The following ERAP1 variants were observed in gnomAD, a reference collection of about 807,000 sequenced individuals.
The protein encoded by ERAP1 is endoplasmic reticulum aminopeptidase 1.
Under a neutral mutation model 103.7 loss-of-function variants are expected in ERAP1, and 86 were observed. That is an observed-to-expected ratio of 0.83 (90% CI 0.70 to 0.99). The LOEUF is 0.99. Ranked by LOEUF, ERAP1 falls within the 50% of genes least tolerant of loss-of-function variation. The pLI is 0.00. For synonymous variants in ERAP1, 398 were observed against 402.4 expected (o/e 0.99, Z 0.13); for missense variants, 1,009 against 1,128.4 (o/e 0.89, Z 1.52).
chr5:96,896,438 T>C, the ERAP1 span: 1 of 1,613,004 alleles, frequency 6.2e-7, no homozygotes, highest in East Asian at 2.2e-5. Flanking sequence ...CATCCCGCCC[T>C]ATCTCCAAAC....
chr5:96,870,710 T>C, the ERAP1 span, among the ~76,000 whole-genome samples: 1 of 152,220 alleles, frequency 6.6e-6, no homozygotes, highest in Non-Finnish European at 1.5e-5. Context: ...CTTTTATTAC[T>C]ATGCTATTGA....
the ERAP1 span, among the ~76,000 whole-genome samples, chr5:96,922,305 C>T: frequency 6.6e-6 from 1 of 151,984 alleles, no homozygotes; most frequent in Non-Finnish European, 1.5e-5. Context: ...CTCAAAAAAA[C>T]AAAACAAAAA....
At chr5:96,815,407 G>GTTTTTTT in the ERAP1 span, among the ~76,000 whole-genome samples, 58 of 105,430 alleles carry the variant, frequency 5.5e-4, no homozygotes, top group African/African-American at 7.4e-4. Flanking sequence ...TGTTTGTTTT[G>GTTTTTTT]TTTTTTATTT....
the ERAP1 span, among the ~76,000 whole-genome samples, chr5:96,819,486 G>T: frequency 6.6e-6 from 1 of 152,100 alleles, no homozygotes; most frequent in Admixed American, 6.5e-5. Flanking sequence ...GCTCCAGAGG[G>T]GTGTGTGTGT....
chr5:96,832,979 C>T, the ERAP1 span, among the ~76,000 whole-genome samples: 7 of 152,212 alleles, frequency 4.6e-5, no homozygotes, highest in East Asian at 5.8e-4. Context: ...AAAGGGATCC[C>T]GGGGAGTAAT....
At chr5:96,779,837 C>G (rs758890235) in intron 18 of ERAP1, among the ~76,000 whole-genome samples, 4 of 152,112 alleles carry the variant, frequency 2.6e-5, no homozygotes, top group Non-Finnish European at 4.4e-5. Flanking sequence ...CTCATTTTTC[C>G]TTGACTTCCA....
the ERAP1 span, among the ~76,000 whole-genome samples, chr5:96,820,347 T>C: frequency 6.6e-6 from 1 of 152,086 alleles, no homozygotes; most frequent in Admixed American, 6.6e-5. Context: ...GCAGGGTGCT[T>C]GGAACGTCAA....
intron 11 of ERAP1, among the ~76,000 whole-genome samples, 173 bp downstream of exon 11, chr5:96,788,358 T>C (rs1334283785): frequency 1.3e-5 from 2 of 152,224 alleles, no homozygotes; most frequent in Admixed American, 6.5e-5. Context: ...AAAGCCTCCT[T>C]AATCCTACTG....
the ERAP1 span, among the ~76,000 whole-genome samples, chr5:96,824,521 A>G: frequency 6.6e-6 from 1 of 151,930 alleles, no homozygotes; most frequent in Admixed American, 6.6e-5. Flanking sequence ...ACCATCTCCT[A>G]TCTCTTTTCT....
chr5:96,911,972 G>C, the ERAP1 span, among the ~76,000 whole-genome samples: 14 of 150,888 alleles, frequency 9.3e-5, no homozygotes, highest in African/African-American at 2.7e-4. Context: ...GGCGGATCAC[G>C]AGGTCAGGAA....
chr5:96,776,751 C>T lies in ERAP1; in HGVS notation c.2671-200G>A, dbSNP rs1774376882. 1.0e-5 allele frequency: 7 copies of T among 684,888 alleles called. No individual in the cohort carries two copies. The East Asian group carries it at 1.7e-4, about 17-fold the overall frequency. The allele number at this position is 684,888 out of a possible 1,614,324, so 42.4% of individuals were successfully genotyped here. The stretch of plus-strand genomic sequence containing the variant: ...CATGATGTCAAGTTCTGTTTTTTGT[C>T]TGCAGTTCTTTTGTTTATTCTCAGT... On this transcript the variant is annotated intron_variant, in intron 18 of 18. Coordinates refer to ENST00000443439, the MANE Select transcript of ERAP1 (RefSeq NM_001040458.3).
chr5:96,777,432 C>T (rs903660052), intron 18 of ERAP1, among the ~76,000 whole-genome samples: 3 of 152,038 alleles, frequency 2.0e-5, no homozygotes, highest in Non-Finnish European at 4.4e-5. Context: ...TGTCATAATA[C>T]CATATTATTA....
chr5:96,921,785 T>C, the ERAP1 span, among the ~76,000 whole-genome samples: 2 of 152,232 alleles, frequency 1.3e-5, no homozygotes, highest in South Asian at 2.1e-4. Flanking sequence ...TGTTGAATTA[T>C]GTCATATTTC....
At chr5:96,790,776 G>C in intron 8 of ERAP1, 133 bp from the exon 9 acceptor site, 1 of 792,194 alleles carries the variant, frequency 1.3e-6, no homozygotes, top group Non-Finnish European at 2.1e-6. Context: ...CTGGCAATTT[G>C]TGAAACAGAG....
At chr5:96,913,262 A>G in the ERAP1 span, 5 of 1,421,256 alleles carry the variant, frequency 3.5e-6, no homozygotes, top group Non-Finnish European at 4.9e-6. Context: ...GCTTGAGTTA[A>G]TGTCCATGTA....
chr5:96,886,813 A>C, the ERAP1 span: 1 of 1,419,566 alleles, frequency 7.0e-7, no homozygotes, highest in Non-Finnish European at 9.4e-7. Context: ...CTAACGTTCT[A>C]CGCAGTGCAG....
chr5:96,812,186 A>G (rs1174989322), upstream of ERAP1, among the ~76,000 whole-genome samples: 2 of 152,262 alleles, frequency 1.3e-5, no homozygotes, highest in South Asian at 2.1e-4. Context: ...CAATTCAGTT[A>G]TATAAAAATT....
chr5:96,768,677 A>C (rs1012637757), intron 19 of ERAP1, among the ~76,000 whole-genome samples: 2 of 152,212 alleles, frequency 1.3e-5, no homozygotes, highest in Non-Finnish European at 2.9e-5. Flanking sequence ...AAGTGAGAGC[A>C]GGCCCTAACT....
intron 19 of ERAP1, among the ~76,000 whole-genome samples, chr5:96,763,918 A>G (rs1768878666): frequency 6.6e-6 from 1 of 151,850 alleles, no homozygotes; most frequent in Admixed American, 6.6e-5. Context: ...CTTTTTAACA[A>G]TTTGTTTTCA....
Sources: allele counts gnomAD v4.1 joint callset (sites outside exome capture counted in the v4.1 genomes callset), GRCh38; gene constraint gnomAD v4.1.1; transcripts MANE v1.5; gene names NCBI Gene and HGNC (gene_info 2026-07-23, HGNC 2026-07-21).